Variants in ABCB1 observed in about 807,000 individuals in gnomAD.
ABCB1 encodes ATP binding cassette subfamily B member 1, also known as ATP-dependent translocase ABCB1.
ABCB1 carries 69 observed loss-of-function variants against 142.0 expected under a neutral mutation model. The ratio of observed to expected loss-of-function variants is 0.49; its 90% CI spans 0.40 to 0.59. ABCB1 has a LOEUF of 0.59. Among genes scored for constraint, ABCB1 ranks in the 20% least tolerant of loss-of-function variants. The probability of loss-of-function intolerance (pLI) is 0.00; values close to 1 mark genes in which losing one functional copy is unlikely to be tolerated. For missense variants in ABCB1, 1,326 were observed against 1,554.7 expected, an observed-to-expected ratio of 0.85 and a Z score of 2.47; for synonymous variants, 532 against 539.2, an observed-to-expected ratio of 0.99 and a Z score of 0.18.
At chr7:87,593,400 A>T (rs1819074239) in intron 3 of ABCB1, among the ~76,000 whole-genome samples, 1 of 152,230 alleles carries the variant, frequency 6.6e-6, no homozygotes, top group Non-Finnish European at 1.5e-5. Flanking sequence ...TCTATTCCTT[A>T]CTTCTTTCAT....
intron 1 of ABCB1, among the ~76,000 whole-genome samples, chr7:87,700,078 G>T (rs180806718): frequency 6.6e-6 from 1 of 152,132 alleles, no homozygotes; most frequent in Admixed American, 6.5e-5. Context: ...AACTAGAAGC[G>T]CAGGAAGGTT....
chr7:87,643,747 G>A (rs1339935976), intron 1 of ABCB1, among the ~76,000 whole-genome samples: 5 of 151,044 alleles, frequency 3.3e-5, no homozygotes, highest in African/African-American at 7.3e-5. Context: ...GGCTAGTCTC[G>A]AACTCCTGAG....
At chr7:87,560,147 A>G (rs1344717270) in intron 8 of ABCB1, among the ~76,000 whole-genome samples, 3 of 152,044 alleles carry the variant, frequency 2.0e-5, no homozygotes, top group Admixed American at 6.6e-5. Context: ...AGAGCCGGGG[A>G]TTTATTTCAT....
rs113719447 is a variant in ABCB1, at chr7:87,504,808, GAA to G, written c.3637-361_3637-360del. On this transcript the variant is annotated intron_variant, in intron 27 of 27. Transcript: ENST00000622132. The stretch of plus-strand genomic sequence containing the variant: ...CGACAGAGCGAGACTCCATCTCAAA[GAA>G]AAAAAAAAAAAAAAGCTCCACAACA... Among the ~76,000 whole-genome samples, 15 of 86,874 alleles carry G rather than the reference GAA, an allele frequency of 1.7e-4. 1 individual carries two copies. In the South Asian group the frequency reaches 2.8e-3, roughly 16 times the overall value. 57.0% of individuals were successfully genotyped at this position (86,874 alleles called of 152,430 possible).
At chr7:87,628,237 T>C (rs1563083600) in intron 1 of ABCB1, among the ~76,000 whole-genome samples, 1 of 152,172 alleles carries the variant, frequency 6.6e-6, no homozygotes. Flanking sequence ...CCAGCGTCCT[T>C]GACAGCAGCC....
chr7:87,697,029 C>T (rs568916171), intron 1 of ABCB1, among the ~76,000 whole-genome samples: 20 of 152,144 alleles, frequency 1.3e-4, no homozygotes, highest in Non-Finnish European at 2.4e-4. Flanking sequence ...TTTGAAACAT[C>T]CTACAAGTTA....
chr7:87,691,674 A>G (rs747159077), intron 1 of ABCB1, among the ~76,000 whole-genome samples: 71 of 152,272 alleles, frequency 4.7e-4, no homozygotes, highest in Non-Finnish European at 9.6e-4. Flanking sequence ...TTTACGTTTT[A>G]TATAAAAAAT....
chr7:87,687,632 T>A (rs1300138226), intron 1 of ABCB1, among the ~76,000 whole-genome samples: 1 of 152,208 alleles, frequency 6.6e-6, no homozygotes, highest in African/African-American at 2.4e-5. Context: ...TCATTATTTG[T>A]TGAAAAATTG....
chr7:87,512,311 T>A (rs1244523180), intron 25 of ABCB1, among the ~76,000 whole-genome samples: 1 of 152,102 alleles, frequency 6.6e-6, no homozygotes, highest in Admixed American at 6.5e-5. Context: ...TCTCCACAAT[T>A]TAACCTAAAT....
chr7:87,606,175 C>T (rs968120096), intron 1 of ABCB1, among the ~76,000 whole-genome samples: 1 of 151,844 alleles, frequency 6.6e-6, no homozygotes, highest in Non-Finnish European at 1.5e-5. Context: ...TGCAAATAGG[C>T]AATTCATATA....
Position 87,570,162 on chromosome 7 carries a change from G to A in ABCB1, c.338+10C>T, listed in dbSNP as rs1442758804. 3 of 1,610,152 alleles carry A rather than the reference G, an allele frequency of 1.9e-6. No individual in the cohort carries two copies. In the Admixed American group the frequency reaches 5.0e-5, roughly 27 times the overall value. On this transcript the variant is annotated intron_variant, in intron 5 of 27. Coordinates refer to ENST00000622132, the MANE Select transcript of ABCB1 (RefSeq NM_001348946.2). ...AAAACTTAACAATAGTAAGGAGAAT[G>A]TCTAATTACCTGGTCATGTCTTCCT...
At position 87,553,797 on chromosome 7, in the gene ABCB1, G is replaced by A; in HGVS notation, c.963C>T (p.Val321=). ...GTCCAATAGAATATTCCCCTGAGAG[G>A]ACCAAGGTGGTCCCATACCAGAAGG... ...ALAFWYGTTL[V]LSGEYSIGQV... is the part of the protein sequence containing the mutation. The change falls in exon 9 of 28, where the codon GTC becomes GTT. Residue 321 remains valine, a synonymous_variant. Coordinates refer to ENST00000622132, the MANE Select transcript of ABCB1 (RefSeq NM_001348946.2). The A allele has an allele frequency of 2.5e-6, 4 of 1,614,044 alleles. No homozygotes were observed. The highest frequency in any genetic ancestry group is 3.4e-6 in the Non-Finnish European group (4 of 1,179,980).
chr7:87,525,323 C>A (rs943697179), intron 21 of ABCB1, among the ~76,000 whole-genome samples: 1 of 152,068 alleles, frequency 6.6e-6, no homozygotes, highest in Non-Finnish European at 1.5e-5. Context: ...TCTTCCTACC[C>A]TCAAATAAAC....
At chr7:87,606,576 T>G (rs1359978062) in intron 1 of ABCB1, among the ~76,000 whole-genome samples, 1 of 152,074 alleles carries the variant, frequency 6.6e-6, no homozygotes, top group African/African-American at 2.4e-5. Context: ...AGTAGTAATA[T>G]AAAACGTGCT....
chr7:87,521,014 A>G, intron 21 of ABCB1, 138 bp from the exon 22 acceptor site: 1 of 702,788 alleles, frequency 1.4e-6, no homozygotes, highest in East Asian at 2.8e-5. Context: ...CTCTGTAGAA[A>G]AAGATACTAA....
intron 25 of ABCB1, among the ~76,000 whole-genome samples, chr7:87,511,769 C>T (rs1403493879): frequency 6.6e-6 from 1 of 152,196 alleles, no homozygotes; most frequent in Non-Finnish European, 1.5e-5. Context: ...TTGTGTCCCC[C>T]CTTGAAAGGG....
chr7:87,638,777 A>G (rs763304636), intron 1 of ABCB1, among the ~76,000 whole-genome samples: 19 of 152,088 alleles, frequency 1.2e-4, no homozygotes, highest in Non-Finnish European at 2.2e-4. Flanking sequence ...TCAAAGAACC[A>G]GCGTTTGACT....
At chr7:87,642,339 C>A (rs1298390168) in intron 1 of ABCB1, among the ~76,000 whole-genome samples, 1 of 151,558 alleles carries the variant, frequency 6.6e-6, no homozygotes, top group African/African-American at 2.4e-5. Context: ...TTTTTCTGTT[C>A]TTCACGTTGT....
intron 1 of ABCB1, among the ~76,000 whole-genome samples, chr7:87,625,118 G>C (rs999433586): frequency 6.6e-6 from 1 of 152,122 alleles, no homozygotes; most frequent in African/African-American, 2.4e-5. Context: ...TTAGCCGGGC[G>C]TGGTGGCAGG....
Sources: gnomAD v4.1 joint callset for allele counts (sites outside exome capture counted in the v4.1 genomes callset) on GRCh38, gnomAD v4.1.1 for gene constraint, MANE v1.5 for transcripts, NCBI Gene and HGNC (gene_info 2026-07-23, HGNC 2026-07-21) for gene names.